Variants in ZNF117 observed in about 807,000 individuals in gnomAD.
The protein encoded by ZNF117 is zinc finger protein 117, also known as Krueppel-related zinc finger protein.
ZNF117 carries 37 observed loss-of-function variants against 41.2 expected under a neutral mutation model. The observed-to-expected ratio is 0.90, with a 90% CI of 0.69 to 1.18. The LOEUF (loss-of-function observed/expected upper bound fraction) is 1.18. ZNF117 is among the 50% of genes most tolerant of loss of function. The pLI, the probability that ZNF117 is intolerant of heterozygous loss-of-function variation, is 0.00. For missense variants in ZNF117, 546 were observed against 557.5 expected (o/e 0.98, Z 0.21); for synonymous variants, 186 against 186.6 (o/e 1.00, Z 0.02).
chr7:64,989,085 AAAC>A (rs1786196321), intron 1 of ZNF117, among the ~76,000 whole-genome samples: 1 of 151,994 alleles, frequency 6.6e-6, no homozygotes, highest in African/African-American at 2.4e-5. Context: ...ACAGAACTAA[AAAC>A]AACTATTTTA....
exon 3 of ZNF117, chr7:64,979,265 T>C (rs1785972008): frequency 1.2e-6 from 2 of 1,603,246 alleles, no homozygotes; most frequent in African/African-American, 1.3e-5. Flanking sequence ...TTTCAGTATG[T>C]CTCATCTTGT....
chr7:64,979,347 GT>G lies in ZNF117; in HGVS notation c.223del (p.Thr75LeufsTer3), dbSNP rs751420299. The G allele has an allele frequency of 3.8e-6, 6 of 1,595,136 alleles. No individual in the cohort carries two copies. In the African/African-American group the frequency reaches 6.8e-5, roughly 18 times the overall value. ...ACATTGAAATATTTTGCTCAAGGTA[GT>G]TTTCAAACATTGGTTAAGTCCACTA... On this transcript the variant is annotated frameshift_variant, in exon 3 of 3. Transcript: ENST00000620222. LOFTEE classifies it high-confidence loss of function.
intron 2 of ZNF117, chr7:64,980,056 G>C (rs1420585021): frequency 6.5e-6 from 1 of 153,456 alleles, no homozygotes; most frequent in African/African-American, 2.4e-5. Context: ...GTTACAGCAG[G>C]AAAGAGACTG....
chr7:64,981,505 C>T, intron 1 of ZNF117, 23 bp from the exon 3 acceptor site: 1 of 1,535,156 alleles, frequency 6.5e-7, no homozygotes, highest in Non-Finnish European at 9.0e-7. Context: ...AAATAAATAA[C>T]ATAAATCTTG....
upstream of ZNF117, chr7:64,982,179 ATAATTT>A (rs2129119545): frequency 1.8e-6 from 1 of 568,108 alleles, no homozygotes; most frequent in East Asian, 3.5e-5. Context: ...GGCCATGGGC[ATAATTT>A]TAAATTTCAA....
In ZNF117 at chr7:64,981,075, CAT is replaced by C. The variant is rs1333988285; in HGVS notation, c.34+310_34+311del. The C allele has an allele frequency of 5.0e-5, 15 of 299,370 alleles. 1 individual carries two copies. The highest frequency in any genetic ancestry group is 2.9e-4 in the African/African-American group (13 of 44,632). 18.5% of individuals were successfully genotyped at this position (299,370 alleles called of 1,614,324 possible). A position where few individuals can be genotyped will look rare whatever the true frequency, so the allele number is the denominator to read the frequency against. The stretch of plus-strand genomic sequence containing the variant: ...TAACATAGAGTTTCTCAAAATTATG[CAT>C]ATTTGTGTGTCCCCCAAAACAACAA... On this transcript the variant is annotated intron_variant, in intron 2 of 2. Coordinates refer to ENST00000620222, the Ensembl canonical transcript of ZNF117.
upstream of ZNF117, among the ~76,000 whole-genome samples, chr7:64,984,138 C>CTTTT: frequency 6.7e-6 from 1 of 149,092 alleles, no homozygotes; most frequent in Admixed American, 6.7e-5. Flanking sequence ...CCAAAGAACA[C>CTTTT]TTTTTTTTTT....
Position 64,974,483 on chromosome 7 carries a change from T to C in ZNF117, c.*3636A>G, listed in dbSNP as rs146686825. ...TTCAGTTGTCTAGTACATTACTTTA[T>C]TAAAATATTTGTTTTGCTCCAATAT... On this transcript the variant is annotated 3_prime_UTR_variant, in exon 3 of 3. Transcript: ENST00000620222. 11 of 151,990 alleles carry C rather than the reference T, an allele frequency of 7.2e-5. No homozygotes were observed. The East Asian group carries it at 2.1e-3, about 29-fold the overall frequency. 9.4% of individuals were successfully genotyped at this position (151,990 alleles called of 1,614,324 possible).
upstream of ZNF117, among the ~76,000 whole-genome samples, chr7:64,983,434 A>G (rs1239300520): frequency 6.6e-6 from 1 of 152,238 alleles, no homozygotes; most frequent in African/African-American, 2.4e-5. Context: ...GAGACCCTTG[A>G]CTATCATAAG....
chr7:64,975,094 T>C (rs1785851899), exon 3 of ZNF117: 1 of 151,992 alleles, frequency 6.6e-6, no homozygotes, highest in African/African-American at 2.4e-5. Context: ...TTAGAGATGT[T>C]AGTCCACTCT....
upstream of ZNF117, among the ~76,000 whole-genome samples, chr7:64,986,817 GATTTAT>G (rs1360467948): frequency 6.6e-6 from 1 of 152,058 alleles, no homozygotes; most frequent in Non-Finnish European, 1.5e-5. Flanking sequence ...AGTTCTAAGA[GATTTAT>G]ATTTAGATTC....
chr7:64,984,945 C>T (rs1328442223), upstream of ZNF117, among the ~76,000 whole-genome samples: 1 of 152,150 alleles, frequency 6.6e-6, no homozygotes, highest in Non-Finnish European at 1.5e-5. Context: ...CACGCGCCAC[C>T]ACGCCCGGCT....
upstream of ZNF117, among the ~76,000 whole-genome samples, chr7:64,983,279 C>T (rs1786069335): frequency 1.3e-5 from 2 of 152,150 alleles, no homozygotes; most frequent in South Asian, 4.1e-4. Context: ...TGAGTAGTCA[C>T]ACCTTCCCAT....
intron 1 of ZNF117, among the ~76,000 whole-genome samples, chr7:64,989,014 A>AT: frequency 6.6e-6 from 1 of 152,112 alleles, no homozygotes; most frequent in South Asian, 2.1e-4. Context: ...AAATGGCCAT[A>AT]CTGCCAAAAG....
At chr7:64,982,463 A>G (rs1786051063), upstream of ZNF117, among the ~76,000 whole-genome samples, 7 of 152,328 alleles carry the variant, frequency 4.6e-5, no homozygotes, top group Admixed American at 4.6e-4. Flanking sequence ...TTGAGATGAA[A>G]AAGACATGTT....
chr7:64,976,953 G>C, exon 3 of ZNF117: 1 of 533,080 alleles, frequency 1.9e-6, no homozygotes, highest in Non-Finnish European at 3.8e-6. Flanking sequence ...TGATAGGTTA[G>C]CTTTGCCACA....
chr7:64,988,765 T>G (rs1786189810), intron 1 of ZNF117, among the ~76,000 whole-genome samples: 2 of 152,050 alleles, frequency 1.3e-5, no homozygotes, highest in South Asian at 4.1e-4. Flanking sequence ...ACAAAGCAAA[T>G]GTACAAAAAT....
At chr7:64,983,014 A>G (rs930997605), upstream of ZNF117, among the ~76,000 whole-genome samples, 5 of 152,240 alleles carry the variant, frequency 3.3e-5, no homozygotes, top group Admixed American at 3.3e-4. Context: ...TGGAAACTTC[A>G]AGATACAGAT....
At chr7:64,978,878 G>C in exon 3 of ZNF117, 1 of 1,613,374 alleles carries the variant, frequency 6.2e-7, no homozygotes, top group Non-Finnish European at 8.5e-7. Flanking sequence ...TTGAGGCTTG[G>C]TTAAAAGCTC....
Sources: allele counts gnomAD v4.1 joint callset (sites outside exome capture counted in the v4.1 genomes callset), GRCh38; gene constraint gnomAD v4.1.1; transcripts MANE v1.5; gene names NCBI Gene and HGNC (gene_info 2026-07-23, HGNC 2026-07-21).